The following THADA variants were observed in gnomAD, a reference collection of about 807,000 sequenced individuals.
THADA encodes tRNA (32-2'-O)-methyltransferase regulator THADA.
A neutral mutation model predicts 219.8 loss-of-function variants in THADA; 213 were observed. That is an observed-to-expected ratio of 0.97 (90% CI 0.87 to 1.09). The LOEUF is 1.09. Ranked by LOEUF, THADA falls within the 50% of genes least tolerant of loss-of-function variation. THADA has a pLI of 0.00. For synonymous variants in THADA, 1,018 were observed against 828.9 expected, an observed-to-expected ratio of 1.23 and a Z score of -3.92; for missense variants, 2,956 against 2,311.3, an observed-to-expected ratio of 1.28 and a Z score of -5.72.
At chr2:43,292,450 G>C (rs1674845455) in intron 32 of THADA, among the ~76,000 whole-genome samples, 1 of 152,144 alleles carries the variant, frequency 6.6e-6, no homozygotes, top group African/African-American at 2.4e-5. Context: ...CCTGATTTTA[G>C]GCCAGTGCCC....
At chr2:43,409,819 A>G (rs1014599666) in intron 28 of THADA, among the ~76,000 whole-genome samples, 76 of 152,188 alleles carry the variant, frequency 5.0e-4, no homozygotes, top group African/African-American at 1.7e-3. Flanking sequence ...CAGGAGTTCG[A>G]GACCAGCCTG....
At chr2:43,512,578 C>T (rs2105111037) in intron 22 of THADA, among the ~76,000 whole-genome samples, 1 of 152,378 alleles carries the variant, frequency 6.6e-6, no homozygotes, top group Non-Finnish European at 1.5e-5. Context: ...TCTTGCCTCA[C>T]TGCAACCTCC....
Position 43,498,817 on chromosome 2 carries a change from T to TA in THADA, c.3744+15dup. The TA allele has an allele frequency of 6.2e-7, 1 of 1,607,336 alleles. No homozygotes were observed. The highest frequency in any genetic ancestry group is 8.5e-7 in the Non-Finnish European group (1 of 1,177,998). The stretch of plus-strand genomic sequence containing the variant: ...GCATAATTAAATCAATGAAAATAAA[T>TA]AGTGACAGCACTTACTGCCCAGACC... On this transcript the variant is annotated intron_variant, in intron 25 of 37. Transcript: ENST00000405975.
At chr2:43,449,460 T>A (rs1682026205) in intron 26 of THADA, among the ~76,000 whole-genome samples, 1 of 151,880 alleles carries the variant, frequency 6.6e-6, no homozygotes, top group African/African-American at 2.4e-5. Flanking sequence ...AATATAAACA[T>A]CCAAGAAGCT....
intron 19 of THADA, among the ~76,000 whole-genome samples, chr2:43,549,641 C>G (rs928775926): frequency 6.6e-6 from 1 of 152,136 alleles, no homozygotes; most frequent in Non-Finnish European, 1.5e-5. Flanking sequence ...GTCATCTACA[C>G]TGCTTTTCTT....
At chr2:43,326,272 G>A (rs534487782) in intron 30 of THADA, among the ~76,000 whole-genome samples, 5 of 152,166 alleles carry the variant, frequency 3.3e-5, no homozygotes, top group African/African-American at 9.6e-5. Flanking sequence ...GATTAACAGA[G>A]TAACTGTTTG....
chr2:43,369,787 T>C (rs1670591046), intron 29 of THADA, among the ~76,000 whole-genome samples: 2 of 152,256 alleles, frequency 1.3e-5, no homozygotes, highest in South Asian at 4.1e-4. Context: ...ACCAGAGATC[T>C]GAAGACATAT....
intron 26 of THADA, among the ~76,000 whole-genome samples, chr2:43,453,025 A>G (rs772829941): frequency 2.6e-4 from 39 of 152,208 alleles, no homozygotes; most frequent in Admixed American, 3.3e-4. Context: ...CAGTGAACCG[A>G]TGCTTTTTGT....
intron 26 of THADA, among the ~76,000 whole-genome samples, chr2:43,449,605 A>G (rs1682054377): frequency 6.6e-6 from 1 of 152,100 alleles, no homozygotes; most frequent in Non-Finnish European, 1.5e-5. Context: ...CCATCTCTAC[A>G]AAGAATTTTT....
chr2:43,540,291 C>T (rs556227814), intron 21 of THADA, among the ~76,000 whole-genome samples: 5 of 152,318 alleles, frequency 3.3e-5, no homozygotes, highest in African/African-American at 9.6e-5. Flanking sequence ...ATCTCAAGGC[C>T]TTGCAACATC....
intron 28 of THADA, among the ~76,000 whole-genome samples, chr2:43,417,691 A>G (rs1677169812): frequency 6.6e-6 from 1 of 152,242 alleles, no homozygotes; most frequent in Non-Finnish European, 1.5e-5. Flanking sequence ...ACACAGCATC[A>G]TAAACAGATG....
chr2:43,552,155 C>T (rs746038435), intron 18 of THADA, 49 bp downstream of exon 18: 2 of 1,575,052 alleles, frequency 1.3e-6, no homozygotes, highest in Non-Finnish European at 1.7e-6. Context: ...GGTTAAAGCT[C>T]AGAAATGAAT....
chr2:43,574,007 C>T (rs988653695), intron 11 of THADA, among the ~76,000 whole-genome samples: 3 of 151,810 alleles, frequency 2.0e-5, no homozygotes, highest in African/African-American at 7.3e-5. Flanking sequence ...CTTGAATAAG[C>T]ACATTATATA....
intron 29 of THADA, among the ~76,000 whole-genome samples, chr2:43,389,725 A>C (rs1421430262): frequency 6.6e-6 from 1 of 152,174 alleles, no homozygotes; most frequent in Non-Finnish European, 1.5e-5. Context: ...GCCTGGGCTC[A>C]TACCATGTCC....
intron 30 of THADA, among the ~76,000 whole-genome samples, chr2:43,327,587 C>G (rs892649564): frequency 6.6e-6 from 1 of 152,142 alleles, no homozygotes; most frequent in Admixed American, 6.5e-5. Context: ...CACATATCTA[C>G]CCGCCTCCTG....
intron 16 of THADA, 144 bp from the exon 17 acceptor site, chr2:43,556,699 AGGATTACTT>A: frequency 1.4e-6 from 1 of 723,606 alleles, no homozygotes; most frequent in Non-Finnish European, 2.2e-6. Context: ...CTGATGGAGG[AGGATTACTT>A]GAGGCCAGGA....
At chr2:43,551,718 G>GA (rs34461850) in intron 19 of THADA, 71 bp downstream of exon 19, 34,500 of 1,126,466 alleles carry the variant, frequency 0.031, 14 homozygotes, top group Non-Finnish European at 0.034. Context: ...AATACTTGGG[G>GA]AAAAAAAAAA....
At chr2:43,400,211 G>T (rs1020324386) in intron 28 of THADA, among the ~76,000 whole-genome samples, 1 of 152,070 alleles carries the variant, frequency 6.6e-6, no homozygotes, top group Non-Finnish European at 1.5e-5. Context: ...CATACAAGAG[G>T]AAGGATGGAA....
intron 30 of THADA, among the ~76,000 whole-genome samples, chr2:43,333,868 G>A (rs1489267880): frequency 6.6e-6 from 1 of 152,200 alleles, no homozygotes; most frequent in African/African-American, 2.4e-5. Flanking sequence ...AGCCCATGAG[G>A]GATTTGGGAA....
Sources: allele counts gnomAD v4.1 joint callset (sites outside exome capture counted in the v4.1 genomes callset), GRCh38; gene constraint gnomAD v4.1.1; transcripts MANE v1.5; gene names NCBI Gene and HGNC (gene_info 2026-07-23, HGNC 2026-07-21).